RNGTT: variants seen among roughly 807,000 people sequenced by gnomAD.
The protein encoded by RNGTT is RNA guanylyltransferase and 5'-phosphatase.
Under a neutral mutation model 79.3 loss-of-function variants are expected in RNGTT, and 33 were observed. That is an observed-to-expected ratio of 0.42 (90% CI 0.32 to 0.56). The LOEUF (loss-of-function observed/expected upper bound fraction) is 0.56. RNGTT is among the 20% of genes least tolerant of loss of function. The probability of loss-of-function intolerance (pLI) is 0.17; values close to 1 mark genes in which losing one functional copy is unlikely to be tolerated. For synonymous variants in RNGTT, 222 were observed against 235.9 expected, an observed-to-expected ratio of 0.94 and a Z score of 0.54; for missense variants, 497 against 739.1, an observed-to-expected ratio of 0.67 and a Z score of 3.80.
At chr6:88,704,002 G>C (rs1289116789) in intron 13 of RNGTT, among the ~76,000 whole-genome samples, 11 of 152,132 alleles carry the variant, frequency 7.2e-5, no homozygotes, top group African/African-American at 2.7e-4. Context: ...GCTCACGCCT[G>C]TAATCCCAGC....
At chr6:88,817,794 G>C (rs1399824275) in intron 11 of RNGTT, among the ~76,000 whole-genome samples, 21 of 115,950 alleles carry the variant, frequency 1.8e-4, no homozygotes, top group African/African-American at 7.2e-4. Flanking sequence ...GAGTCTCGCT[G>C]TGTCTCCCAG....
chr6:88,847,197 C>A (rs1781512105), intron 10 of RNGTT, among the ~76,000 whole-genome samples: 1 of 151,976 alleles, frequency 6.6e-6, no homozygotes, highest in Non-Finnish European at 1.5e-5. Context: ...CTGTGTTCTT[C>A]CCAAATTCCA....
intron 13 of RNGTT, among the ~76,000 whole-genome samples, chr6:88,767,529 A>C (rs1261973728): frequency 1.3e-5 from 2 of 152,008 alleles, no homozygotes; most frequent in Admixed American, 1.3e-4. Context: ...TTTTTAAAAA[A>C]CCCAATGAAA....
Position 88,610,218 on chromosome 6 carries a change from C to CA in RNGTT, c.*2500dup, listed in dbSNP as rs1200143429. 1 of 152,518 alleles carries CA rather than the reference C, an allele frequency of 6.6e-6. No homozygotes were observed. The highest frequency in any genetic ancestry group is 2.4e-5 in the African/African-American group (1 of 41,394). 9.4% of individuals were successfully genotyped at this position (152,518 alleles called of 1,614,324 possible). On this transcript the variant is annotated 3_prime_UTR_variant, in exon 16 of 16. Coordinates refer to ENST00000369485, the MANE Select transcript of RNGTT (RefSeq NM_003800.5). ...TGACAGCAGTAGGATGTGATGCCAG[C>CA]AATAGAAGGGACACAAGAGTATCAC... is the stretch of plus-strand genomic sequence containing the variant.
intron 14 of RNGTT, among the ~76,000 whole-genome samples, chr6:88,661,736 T>TTG (rs1774194756): frequency 6.6e-6 from 1 of 151,802 alleles, no homozygotes; most frequent in African/African-American, 2.4e-5. Context: ...CTAAATTCTA[T>TTG]CACATATTCA....
chr6:88,612,566 G>C lies in RNGTT; in HGVS notation c.*153C>G. 1.3e-6 allele frequency: 1 copy of C among 769,382 alleles called. No individual in the cohort carries two copies. The highest frequency in any genetic ancestry group is 1.8e-5 in the South Asian group (1 of 55,818). The allele number at this position is 769,382 out of a possible 1,614,324, so 47.7% of individuals were successfully genotyped here. Reference sequence around the variant, plus strand: ...AAACGAATGCATCAAGTATTTACAGGCTGGCTACGATAACTTTCTTTTTTT... The same window carrying C: ...AAACGAATGCATCAAGTATTTACAGCCTGGCTACGATAACTTTCTTTTTTT... On this transcript the variant is annotated 3_prime_UTR_variant, in exon 16 of 16. Coordinates refer to ENST00000369485, the MANE Select transcript of RNGTT (RefSeq NM_003800.5).
At chr6:88,873,876 G>A (rs1782431020) in intron 8 of RNGTT, among the ~76,000 whole-genome samples, 1 of 152,112 alleles carries the variant, frequency 6.6e-6, no homozygotes, top group Non-Finnish European at 1.5e-5. Flanking sequence ...GGTTTAGTAA[G>A]ATATAGACAT....
intron 8 of RNGTT, among the ~76,000 whole-genome samples, chr6:88,866,227 A>C (rs1448626353): frequency 6.6e-6 from 1 of 152,128 alleles, no homozygotes; most frequent in Non-Finnish European, 1.5e-5. Context: ...CCAATCTTCA[A>C]AGAATTAGAG....
intron 13 of RNGTT, among the ~76,000 whole-genome samples, chr6:88,748,238 C>T (rs1342294413): frequency 6.7e-6 from 1 of 150,290 alleles, no homozygotes. Context: ...TCCTACTTCC[C>T]TCAGAGTATG....
At chr6:88,637,871 A>G (rs947055125) in intron 14 of RNGTT, among the ~76,000 whole-genome samples, 1 of 152,140 alleles carries the variant, frequency 6.6e-6, no homozygotes, top group Non-Finnish European at 1.5e-5. Context: ...ACACAACTCC[A>G]TACAATTCAA....
intron 14 of RNGTT, among the ~76,000 whole-genome samples, chr6:88,661,407 T>C (rs973770845): frequency 6.6e-6 from 1 of 151,584 alleles, no homozygotes; most frequent in Non-Finnish European, 1.5e-5. Flanking sequence ...TTAAAAAAAA[T>C]TGACAGACCG....
Position 88,675,835 on chromosome 6 carries a change from A to C in RNGTT, c.1506+2518T>G, listed in dbSNP as rs150924894. On this transcript the variant is annotated intron_variant, in intron 14 of 15. Transcript: ENST00000369485. ...AAAGAAAACTTTTATAATAGCATAAAAAATACAAAATAGATAAATTTGCTT... is the reference window on the plus strand; with the variant it reads ...AAAGAAAACTTTTATAATAGCATAACAAATACAAAATAGATAAATTTGCTT... Among the ~76,000 whole-genome samples, 1,037 of 152,342 alleles carry C rather than the reference A, an allele frequency of 6.8e-3. 10 individuals carry two copies. The highest frequency in any genetic ancestry group is 0.023 in the African/African-American group (950 of 41,584).
intron 13 of RNGTT, among the ~76,000 whole-genome samples, chr6:88,733,050 C>T (rs1777166241): frequency 6.6e-6 from 1 of 152,106 alleles, no homozygotes; most frequent in Non-Finnish European, 1.5e-5. Flanking sequence ...CTATGATAGG[C>T]TCATCAGTAG....
chr6:88,699,765 A>G (rs554761221), intron 13 of RNGTT, among the ~76,000 whole-genome samples: 15 of 152,370 alleles, frequency 9.8e-5, no homozygotes, highest in Non-Finnish European at 1.9e-4. Context: ...GACATGTTAT[A>G]ATATGGATAA....
chr6:88,698,318 A>G (rs959133621), intron 13 of RNGTT, among the ~76,000 whole-genome samples: 1 of 140,744 alleles, frequency 7.1e-6, no homozygotes, highest in African/African-American at 2.6e-5. Context: ...TATATATGAA[A>G]TATATATGAA....
intron 13 of RNGTT, among the ~76,000 whole-genome samples, chr6:88,710,971 T>C (rs1053993245): frequency 6.6e-6 from 1 of 152,178 alleles, no homozygotes; most frequent in Non-Finnish European, 1.5e-5. Flanking sequence ...ATTCACAATA[T>C]GTTTTCAACT....
At chr6:88,878,683 T>C (rs1379056959) in intron 8 of RNGTT, among the ~76,000 whole-genome samples, 1 of 152,194 alleles carries the variant, frequency 6.6e-6, no homozygotes, top group Admixed American at 6.5e-5. Context: ...TTAATTCCAA[T>C]ATTCATTTCA....
At chr6:88,844,315 G>A (rs759885302) in intron 11 of RNGTT, 42 bp downstream of exon 11, 1 of 1,537,326 alleles carries the variant, frequency 6.5e-7, no homozygotes, top group Non-Finnish European at 8.9e-7. Context: ...GCTGAATTAT[G>A]AGACATTATT....
At chr6:88,678,232 C>G (rs1475462675) in intron 14 of RNGTT, 121 bp downstream of exon 14, 51 of 1,409,878 alleles carry the variant, frequency 3.6e-5, no homozygotes, top group Non-Finnish European at 4.6e-5. Context: ...ATCCACCTGT[C>G]TTAGCCTCCC....
Sources: allele counts gnomAD v4.1 joint callset (sites outside exome capture counted in the v4.1 genomes callset), GRCh38; gene constraint gnomAD v4.1.1; transcripts MANE v1.5; gene names NCBI Gene and HGNC (gene_info 2026-07-23, HGNC 2026-07-21).